The following LRRFIP1 variants were observed in gnomAD, a reference collection of about 807,000 sequenced individuals.
The protein encoded by LRRFIP1 is LRR binding FLII interacting protein 1, also known as leucine-rich repeat flightless-interacting protein 1.
A neutral mutation model predicts 104.4 loss-of-function variants in LRRFIP1; 62 were observed. The ratio of observed to expected loss-of-function variants is 0.59; its 90% CI spans 0.48 to 0.73. The LOEUF (loss-of-function observed/expected upper bound fraction) is 0.73, where lower values mean the gene tolerates loss of function less well. Among genes scored for constraint, LRRFIP1 ranks in the 30% least tolerant of loss-of-function variants. The pLI is 0.00. For synonymous variants in LRRFIP1, 300 were observed against 299.0 expected, an observed-to-expected ratio of 1.00 and a Z score of -0.03; for missense variants, 796 against 824.5, an observed-to-expected ratio of 0.97 and a Z score of 0.42.
At chr2:237,756,836 C>T (rs1370385565) in intron 16 of LRRFIP1, among the ~76,000 whole-genome samples, 1 of 152,126 alleles carries the variant, frequency 6.6e-6, no homozygotes, top group Non-Finnish European at 1.5e-5. Flanking sequence ...AGGGCCCCTG[C>T]AGTTGTGATG....
At chr2:237,736,134 T>A (rs1425077189) in intron 10 of LRRFIP1, among the ~76,000 whole-genome samples, 1 of 152,270 alleles carries the variant, frequency 6.6e-6, no homozygotes, top group Non-Finnish European at 1.5e-5. Flanking sequence ...TGACTTACTA[T>A]GCTATTTGTC....
chr2:237,738,285 A>T (rs1576053950), intron 10 of LRRFIP1, among the ~76,000 whole-genome samples: 1 of 152,226 alleles, frequency 6.6e-6, no homozygotes, highest in African/African-American at 2.4e-5. Context: ...GATCATGAGC[A>T]CCCCTGAAGA....
rs979529739 is a variant in LRRFIP1, at chr2:237,703,449, C to G, written c.97-5095C>G. On this transcript the variant is annotated intron_variant, in intron 1 of 23. Coordinates refer to ENST00000308482, the MANE Select transcript of LRRFIP1 (RefSeq NM_001137550.2). This position sits in a 1 kb window ranked among gnomAD's most constrained non-coding sequence, Gnocchi z 4.3. ...GTCAGATTCCGCTGTGTTCTTAAAACCCTTCAGTGGTTCTGAATTCTTTCA... is the reference window on the plus strand; with the variant it reads ...GTCAGATTCCGCTGTGTTCTTAAAAGCCTTCAGTGGTTCTGAATTCTTTCA... 6.6e-6 allele frequency among the ~76,000 whole-genome samples: 1 copy of G among 152,176 alleles called. No individual in the cohort carries two copies. The highest frequency in any genetic ancestry group is 1.5e-5 in the Non-Finnish European group (1 of 68,036).
chr2:237,769,758 C>G (rs2060465071), intron 19 of LRRFIP1, 185 bp from the exon 20 acceptor site: 1 of 581,604 alleles, frequency 1.7e-6, no homozygotes, highest in African/African-American at 1.9e-5. Flanking sequence ...GGGAGGTTGA[C>G]CCAACCTCCT....
intron 1 of LRRFIP1, among the ~76,000 whole-genome samples, chr2:237,693,107 C>T (rs184285580): frequency 6.6e-6 from 1 of 152,200 alleles, no homozygotes; most frequent in East Asian, 1.9e-4. Context: ...CGTGGGGCTA[C>T]GGCTGTAGTT....
At chr2:237,755,433 G>A (rs1044485601) in intron 15 of LRRFIP1, among the ~76,000 whole-genome samples, 6 of 152,342 alleles carry the variant, frequency 3.9e-5, no homozygotes, top group African/African-American at 1.2e-4. Flanking sequence ...TTTATGGTAA[G>A]TCCTTGCAGG....
intron 16 of LRRFIP1, among the ~76,000 whole-genome samples, 186 bp from the exon 17 acceptor site, chr2:237,757,270 C>T (rs138113307): frequency 8.3e-4 from 126 of 152,280 alleles, no homozygotes; most frequent in African/African-American, 2.5e-3. Flanking sequence ...TTTCTTCCTG[C>T]ACTTCTTGAA....
chr2:237,699,277 A>G (rs1370455473), intron 1 of LRRFIP1, among the ~76,000 whole-genome samples: 1 of 151,988 alleles, frequency 6.6e-6, no homozygotes, highest in East Asian at 1.9e-4. Flanking sequence ...TGTAAAACAT[A>G]TTTTGAGTTT....
At chr2:237,658,651 C>G (rs536836401) in intron 1 of LRRFIP1, among the ~76,000 whole-genome samples, 3 of 152,130 alleles carry the variant, frequency 2.0e-5, no homozygotes, top group African/African-American at 7.2e-5. Context: ...GAAGGGGAAC[C>G]AAGGCACCTT....
At chr2:237,704,601 A>C (rs1315310203) in intron 1 of LRRFIP1, among the ~76,000 whole-genome samples, 1 of 152,210 alleles carries the variant, frequency 6.6e-6, no homozygotes, top group African/African-American at 2.4e-5. Flanking sequence ...GTGTTGAGTT[A>C]GGCAGATTCC....
At chr2:237,749,402 T>A (rs1315831436) in intron 13 of LRRFIP1, 78 bp downstream of exon 13, 1 of 1,464,886 alleles carries the variant, frequency 6.8e-7, no homozygotes, top group Non-Finnish European at 9.2e-7. Context: ...AAAAAAAAGT[T>A]AATTCATAAA....
intron 1 of LRRFIP1, among the ~76,000 whole-genome samples, chr2:237,676,222 A>G (rs887386476): frequency 1.3e-5 from 2 of 152,232 alleles, no homozygotes; most frequent in African/African-American, 4.8e-5. Context: ...TGATTAACGT[A>G]AATTTTTACT....
At chr2:237,715,225 C>A (rs1006662468) in intron 3 of LRRFIP1, among the ~76,000 whole-genome samples, 3 of 152,122 alleles carry the variant, frequency 2.0e-5, no homozygotes, top group African/African-American at 7.2e-5. Flanking sequence ...CCGAAGAGTG[C>A]AAAGAAATTT....
chr2:237,647,302 A>G (rs1050760923), intron 1 of LRRFIP1, among the ~76,000 whole-genome samples: 5 of 151,956 alleles, frequency 3.3e-5, no homozygotes, highest in African/African-American at 1.2e-4. Context: ...TCCCTGCCCA[A>G]TGGGACGTGG....
At chr2:237,708,665 A>G (rs1362911909) in intron 2 of LRRFIP1, 35 bp downstream of exon 2, 1 of 1,570,852 alleles carries the variant, frequency 6.4e-7, no homozygotes. Flanking sequence ...GTCTTTTCAC[A>G]GTGATTTGCG....
At chr2:237,651,715 A>G (rs1374360390) in intron 1 of LRRFIP1, among the ~76,000 whole-genome samples, 1 of 152,272 alleles carries the variant, frequency 6.6e-6, no homozygotes, top group Non-Finnish European at 1.5e-5. Flanking sequence ...TTAAAATTTT[A>G]TATTAGCCAC....
At position 237,691,525 on chromosome 2, in the gene LRRFIP1, T is replaced by G. The variant is rs959566322; in HGVS notation, c.97-17019T>G. On this transcript the variant is annotated intron_variant, in intron 1 of 23. Transcript: ENST00000308482. The surrounding 1 kb of genome is among the most constrained non-coding windows in gnomAD (Gnocchi z 5.4). ...CTGTGTGCACGCAGCTGCGTCGTCC[T>G]GGAAGTCGGCCCTTCTCGGGATGCC... is the stretch of plus-strand genomic sequence containing the variant. Among the ~76,000 whole-genome samples, 3 of 152,048 alleles carry G rather than the reference T, an allele frequency of 2.0e-5. No homozygotes were observed. Among genetic ancestry groups the G allele is most frequent in the Admixed American group, 2.0e-4 (3 of 15,276 alleles).
rs2092757414 is a variant in LRRFIP1 at position 237,691,593 on chromosome 2, G to T, written c.97-16951G>T. Among the ~76,000 whole-genome samples, 1 of 152,218 alleles carries T rather than the reference G, an allele frequency of 6.6e-6. No individual in the cohort carries two copies. Among genetic ancestry groups the T allele is most frequent in the Non-Finnish European group, 1.5e-5 (1 of 68,030 alleles). On this transcript the variant is annotated intron_variant, in intron 1 of 23. Transcript: ENST00000308482. This position sits in a 1 kb window ranked among gnomAD's most constrained non-coding sequence, Gnocchi z 5.4. ...GGCCGGCAGGTGCAGCGGTGCTGGG[G>T]CCTAGGCTTCCGCGTCCAGGAAGCT...
At chr2:237,671,896 A>G (rs545432895) in intron 1 of LRRFIP1, among the ~76,000 whole-genome samples, 1 of 148,438 alleles carries the variant, frequency 6.7e-6, no homozygotes, top group East Asian at 2.0e-4. Context: ...TGCCCTCTCT[A>G]AGTAAATCAC....
Sources: allele counts gnomAD v4.1 joint callset (sites outside exome capture counted in the v4.1 genomes callset), GRCh38; gene constraint gnomAD v4.1.1; non-coding constraint Gnocchi (gnomAD v3.1); transcripts MANE v1.5; gene names NCBI Gene and HGNC (gene_info 2026-07-23, HGNC 2026-07-21).